The following ADGRL3 variants were observed in gnomAD, a reference collection of about 807,000 sequenced individuals.
The protein encoded by ADGRL3 is calcium-independent alpha-latrotoxin receptor 3.
Under a neutral mutation model 153.5 loss-of-function variants are expected in ADGRL3, and 62 were observed. The ratio of observed to expected loss-of-function variants is 0.40; its 90% CI spans 0.33 to 0.50. The LOEUF is 0.50. Among genes scored for constraint, ADGRL3 ranks in the 20% least tolerant of loss-of-function variants. ADGRL3 has a pLI of 0.47. For missense variants in ADGRL3, 1,641 were observed against 1,859.4 expected, an observed-to-expected ratio of 0.88 and a Z score of 2.16; for synonymous variants, 710 against 672.5, an observed-to-expected ratio of 1.06 and a Z score of -0.86.
At chr4:62,058,327 G>T (rs1577710217) in intron 25 of ADGRL3, among the ~76,000 whole-genome samples, 1 of 151,938 alleles carries the variant, frequency 6.6e-6, no homozygotes, top group East Asian at 1.9e-4. Context: ...AGGATTAGAA[G>T]GAAATAAATT....
intron 1 of ADGRL3, among the ~76,000 whole-genome samples, chr4:61,302,375 C>G (rs192934594): frequency 5.9e-5 from 9 of 151,902 alleles, no homozygotes; most frequent in African/African-American, 2.2e-4. Context: ...ACTAGTGGAG[C>G]CTTTGAAGCA....
At chr4:61,408,276 T>C (rs1245903103) in intron 2 of ADGRL3, among the ~76,000 whole-genome samples, 1 of 152,088 alleles carries the variant, frequency 6.6e-6, no homozygotes, top group East Asian at 1.9e-4. Context: ...TGGTCCTCAA[T>C]GAATTCCAAA....
rs1747307805 is a variant in ADGRL3 at position 62,076,848 on chromosome 4, A to G, written c.*5940A>G. ...GAGTTAATGCTTTTAGTAGCTTTGT[A>G]CCTTTTAAAGCTCTATTATGAATCT... On this transcript the variant is annotated 3_prime_UTR_variant, in exon 27 of 27. Coordinates refer to ENST00000683033, the MANE Select transcript of ADGRL3 (RefSeq NM_001387552.1). The G allele has an allele frequency of 6.6e-6, 1 of 151,732 alleles. No homozygotes were observed. The allele number at this position is 151,732 out of a possible 1,614,324, so 9.4% of individuals were successfully genotyped here. A position where few individuals can be genotyped will look rare whatever the true frequency, so the allele number is the denominator to read the frequency against.
intron 8 of ADGRL3, among the ~76,000 whole-genome samples, chr4:61,765,697 A>G (rs1278817714): frequency 2.0e-5 from 3 of 152,084 alleles, no homozygotes; most frequent in South Asian, 4.1e-4. Flanking sequence ...CCCTGTAGGA[A>G]AGGCCTCTAC....
chr4:61,765,922 T>G, intron 8 of ADGRL3, among the ~76,000 whole-genome samples: 1 of 152,008 alleles, frequency 6.6e-6, no homozygotes, highest in East Asian at 1.9e-4. Flanking sequence ...AGTTATTTCT[T>G]TGAGGATAGA....
intron 2 of ADGRL3, among the ~76,000 whole-genome samples, chr4:61,485,600 A>G (rs911319347): frequency 1.3e-5 from 2 of 152,152 alleles, no homozygotes; most frequent in African/African-American, 4.8e-5. Flanking sequence ...TCATGATGAG[A>G]TATACCTTCC....
At chr4:61,726,890 A>T (rs888094186) in intron 6 of ADGRL3, among the ~76,000 whole-genome samples, 1 of 152,102 alleles carries the variant, frequency 6.6e-6, no homozygotes, top group East Asian at 1.9e-4. Flanking sequence ...GTGTTCTATG[A>T]TTTTTATAGT....
intron 1 of ADGRL3, among the ~76,000 whole-genome samples, chr4:61,263,482 A>G (rs1403005632): frequency 6.6e-6 from 1 of 151,048 alleles, no homozygotes; most frequent in Non-Finnish European, 1.5e-5. Context: ...AAGACCCTGA[A>G]AAAGTCTCAT....
chr4:62,049,845 A>G (rs982710661), intron 25 of ADGRL3, among the ~76,000 whole-genome samples: 1 of 152,186 alleles, frequency 6.6e-6, no homozygotes, highest in African/African-American at 2.4e-5. Context: ...CTCAGGGTCT[A>G]TGCAACAGGT....
intron 21 of ADGRL3, among the ~76,000 whole-genome samples, chr4:62,021,408 C>G: frequency 6.6e-6 from 1 of 151,992 alleles, no homozygotes; most frequent in East Asian, 1.9e-4. Flanking sequence ...TTTGCACGTC[C>G]ATGTTTTCAG....
intron 5 of ADGRL3, among the ~76,000 whole-genome samples, chr4:61,613,025 A>G (rs982458181): frequency 1.3e-5 from 2 of 152,176 alleles, no homozygotes; most frequent in Non-Finnish European, 2.9e-5. Flanking sequence ...TAGGATACCC[A>G]TATGTGATTT....
Position 61,881,553 on chromosome 4 carries a change from G to A in ADGRL3, c.1481-11103G>A, listed in dbSNP as rs965684543. 9.9e-5 allele frequency among the ~76,000 whole-genome samples: 15 copies of A among 152,026 alleles called. No homozygotes were observed. The East Asian group carries it at 2.1e-3, about 22-fold the overall frequency. On this transcript the variant is annotated intron_variant, in intron 9 of 26. Transcript: ENST00000683033. The stretch of plus-strand genomic sequence containing the variant: ...GCCACCATGCCCGGCTAGTTTTTGC[G>A]TTTTAGTAGAGACGGGGTTTCCCCA...
At chr4:61,974,673 A>T (rs2099041780) in intron 17 of ADGRL3, among the ~76,000 whole-genome samples, 2 of 152,228 alleles carry the variant, frequency 1.3e-5, no homozygotes, top group Non-Finnish European at 2.9e-5. Context: ...AGTAACAATG[A>T]CTAAATTGAA....
At chr4:61,821,938 CCTGCTATTAT>C (rs2097759752) in intron 9 of ADGRL3, among the ~76,000 whole-genome samples, 1 of 152,126 alleles carries the variant, frequency 6.6e-6, no homozygotes, top group Admixed American at 6.5e-5. Context: ...AACATTAACA[CCTGCTATTAT>C]CTAGTTAAGT....
At chr4:61,607,778 A>G (rs2099038379) in intron 5 of ADGRL3, among the ~76,000 whole-genome samples, 1 of 152,224 alleles carries the variant, frequency 6.6e-6, no homozygotes, top group African/African-American at 2.4e-5. Flanking sequence ...GTGACTTTTC[A>G]TCAGTTTTAA....
intron 8 of ADGRL3, among the ~76,000 whole-genome samples, chr4:61,794,985 A>G (rs1006910736): frequency 2.6e-5 from 4 of 152,212 alleles, no homozygotes; most frequent in Non-Finnish European, 5.9e-5. Context: ...AGTTCAGATA[A>G]TTCCTATGCA....
intron 1 of ADGRL3, among the ~76,000 whole-genome samples, chr4:61,232,276 A>T (rs879638214): frequency 4.0e-5 from 6 of 151,840 alleles, no homozygotes; most frequent in Non-Finnish European, 8.8e-5. Context: ...CTTAAGTTTG[A>T]ATTCCAGTTT....
At chr4:61,891,622 G>A (rs2098587042) in intron 9 of ADGRL3, among the ~76,000 whole-genome samples, 1 of 152,160 alleles carries the variant, frequency 6.6e-6, no homozygotes, top group Admixed American at 6.5e-5. Flanking sequence ...TTTAAGGGAA[G>A]TAGAAAATGA....
intron 1 of ADGRL3, among the ~76,000 whole-genome samples, chr4:61,220,655 T>A (rs17090412): frequency 0.018 from 2,724 of 152,326 alleles, 89 homozygotes; most frequent in African/African-American, 0.063. Context: ...CCTTTGCTCC[T>A]GCTCTTTTTA....
Sources: allele counts gnomAD v4.1 joint callset (sites outside exome capture counted in the v4.1 genomes callset), GRCh38; gene constraint gnomAD v4.1.1; transcripts MANE v1.5; gene names NCBI Gene and HGNC (gene_info 2026-07-23, HGNC 2026-07-21).